The following DNAH5 variants were observed in gnomAD, a reference collection of about 807,000 sequenced individuals.
DNAH5 encodes the protein axonemal beta dynein heavy chain 5.
A neutral mutation model predicts 518.2 loss-of-function variants in DNAH5; 372 were observed. The ratio of observed to expected loss-of-function variants is 0.72; its 90% confidence interval spans 0.66 to 0.78. The LOEUF is 0.78. Among genes scored for constraint, DNAH5 ranks in the 30% least tolerant of loss-of-function variants. The probability of loss-of-function intolerance (pLI) is 0.00; values close to 1 mark genes in which losing one functional copy is unlikely to be tolerated. For synonymous variants in DNAH5, 2,039 were observed against 2,025.9 expected, an observed-to-expected ratio of 1.01 and a Z score of -0.17; for missense variants, 5,523 against 5,687.0, an observed-to-expected ratio of 0.97 and a Z score of 0.93.
At chr5:13,817,720 G>A (rs1482475228) in intron 41 of DNAH5, 26 bp from the exon 42 acceptor site, 4 of 1,612,566 alleles carry the variant, frequency 2.5e-6, no homozygotes, top group Admixed American at 1.7e-5. Context: ...CCAAATTTTA[G>A]ACATCTCAGA....
At chr5:13,959,362 G>A (rs188518075) in intron 1 of DNAH5, among the ~76,000 whole-genome samples, 49 of 152,320 alleles carry the variant, frequency 3.2e-4, no homozygotes, top group East Asian at 3.1e-3. Flanking sequence ...TGATAGAGAG[G>A]GAAGAGGCAG....
At chr5:13,799,995 A>G (rs1038109146) in intron 47 of DNAH5, among the ~76,000 whole-genome samples, 3 of 152,192 alleles carry the variant, frequency 2.0e-5, no homozygotes, top group Admixed American at 2.0e-4. Context: ...ACATTCGTGT[A>G]TATTGAACAA....
At position 13,778,492 on chromosome 5, in the gene DNAH5, A is replaced by AGGG. The variant is rs1561233321; in HGVS notation, c.8952-1138_8952-1137insCCC. Among the ~76,000 whole-genome samples the AGGG allele has an allele frequency of 3.9e-4, 23 of 58,914 alleles. 1 individual carries two copies. The highest frequency in any genetic ancestry group is 0.01 in the Middle Eastern group (1 of 96). The allele number at this position is 58,914 out of a possible 152,430, so 38.6% of individuals were successfully genotyped here. ...GAAGGAAGGAAAGAAGGAAGGAAGGAAGGAAGGGAGGGAGGGAGGGAGGGG... is the reference window on the plus strand; with the variant it reads ...GAAGGAAGGAAAGAAGGAAGGAAGGAGGGAGGAAGGGAGGGAGGGAGGGAGGGG... On this transcript the variant is annotated intron_variant, in intron 53 of 78. Coordinates refer to ENST00000265104, the MANE Select transcript of DNAH5 (RefSeq NM_001369.3).
chr5:13,880,584 T>A (rs939762304), intron 21 of DNAH5, among the ~76,000 whole-genome samples: 15 of 151,964 alleles, frequency 9.9e-5, no homozygotes, highest in African/African-American at 3.6e-4. Flanking sequence ...GTATAGAATT[T>A]GTATATGCAA....
At chr5:13,987,406 C>T (rs1031038584) in intron 1 of DNAH5, among the ~76,000 whole-genome samples, 17 of 151,780 alleles carry the variant, frequency 1.1e-4, no homozygotes, top group Non-Finnish European at 1.6e-4. Flanking sequence ...GTAAAACAAC[C>T]GGTACCCCTC....
chr5:13,713,339 A>G (rs1201627301), intron 75 of DNAH5, among the ~76,000 whole-genome samples: 2 of 145,778 alleles, frequency 1.4e-5, no homozygotes, highest in African/African-American at 5.0e-5. Context: ...CGACATATAT[A>G]TATACCGACA....
intron 23 of DNAH5, among the ~76,000 whole-genome samples, chr5:13,871,249 C>T (rs1277832772): frequency 6.6e-6 from 1 of 152,066 alleles, no homozygotes; most frequent in Non-Finnish European, 1.5e-5. Context: ...TATCAGAACT[C>T]TCTGGGATAA....
At chr5:13,927,100 C>T (rs1217554428) in intron 3 of DNAH5, among the ~76,000 whole-genome samples, 1 of 152,040 alleles carries the variant, frequency 6.6e-6, no homozygotes, top group African/African-American at 2.4e-5. Flanking sequence ...TTAAATAATA[C>T]ATTTAATCAG....
chr5:13,786,482 G>T, intron 51 of DNAH5, 131 bp from the exon 52 acceptor site: 1 of 957,972 alleles, frequency 1.0e-6, no homozygotes, highest in Non-Finnish European at 1.6e-6. Flanking sequence ...GCCATAGTGT[G>T]TATTTTGCAA....
intron 30 of DNAH5, among the ~76,000 whole-genome samples, chr5:13,855,954 C>A (rs1230288018): frequency 2.0e-5 from 3 of 152,106 alleles, no homozygotes; most frequent in African/African-American, 4.8e-5. Flanking sequence ...CCAATGAGAA[C>A]AAAGACACAG....
At chr5:13,962,256 A>AT (rs1258215366) in intron 1 of DNAH5, among the ~76,000 whole-genome samples, 1 of 152,150 alleles carries the variant, frequency 6.6e-6, no homozygotes, top group Non-Finnish European at 1.5e-5. Flanking sequence ...TGTAAATTGA[A>AT]TTTTTTAACC....
At chr5:13,806,335 G>A (rs1028179471) in intron 47 of DNAH5, among the ~76,000 whole-genome samples, 2 of 152,080 alleles carry the variant, frequency 1.3e-5, no homozygotes, top group African/African-American at 2.4e-5. Flanking sequence ...TTATTTGATA[G>A]AAAGATAGCC....
chr5:13,718,982 C>T lies in DNAH5; in HGVS notation c.12399G>A (p.Glu4133=), dbSNP rs1367200750. The T allele has an allele frequency of 1.2e-6, 2 of 1,614,054 alleles. No homozygotes were observed. Among genetic ancestry groups the T allele is most frequent in the East Asian group, 2.2e-5 (1 of 44,866 alleles). ...HDAFRLWMTT[E]AHKQFPITLL... is the part of the protein sequence containing the mutation. ...GTGTAATGGGAAACTGCTTATGAGC[C>T]TCGGTGGTCATCCAGAGGCGGAACG... The change falls in exon 72 of 79, where the codon GAG becomes GAA. Residue 4133 remains glutamate (E), a synonymous_variant. Transcript: ENST00000265104.
intron 1 of DNAH5, among the ~76,000 whole-genome samples, chr5:13,953,223 C>T (rs558644071): frequency 6.6e-6 from 1 of 152,258 alleles, no homozygotes; most frequent in Admixed American, 6.5e-5. Flanking sequence ...AAACCAACAT[C>T]ACAACTTCTT....
chr5:13,750,284 A>T (rs1023858836), intron 65 of DNAH5, among the ~76,000 whole-genome samples: 11 of 152,204 alleles, frequency 7.2e-5, no homozygotes, highest in African/African-American at 2.7e-4. Context: ...CCCAGGAGGA[A>T]ATCAATAGCA....
rs369312501 is a variant in DNAH5, at chr5:13,751,262, T to A, written c.11029-2A>T. 6.2e-7 allele frequency: 1 copy of A among 1,611,302 alleles called. No homozygotes were observed. On this transcript the variant is annotated splice_acceptor_variant, in intron 64 of 78. Transcript: ENST00000265104. LOFTEE classifies it high-confidence loss of function. ...TACTTCCTTGTCACCAACTTTCACCTTTTTTATAAAAAGAAATTTAAAAGT... is the reference window on the plus strand; with the variant it reads ...TACTTCCTTGTCACCAACTTTCACCATTTTTATAAAAAGAAATTTAAAAGT...
chr5:13,742,363 A>G (rs1458685361), intron 65 of DNAH5, among the ~76,000 whole-genome samples: 1 of 129,316 alleles, frequency 7.7e-6, no homozygotes, highest in Non-Finnish European at 1.8e-5. Context: ...TCATTCATGG[A>G]CTACTCTAAC....
chr5:13,736,005 T>A (rs1175331111), intron 66 of DNAH5, 73 bp from the exon 67 acceptor site: 1 of 1,234,422 alleles, frequency 8.1e-7, no homozygotes, highest in Non-Finnish European at 1.2e-6. Context: ...GAGATCAGCC[T>A]AAACTCTAAA....
chr5:13,809,249 C>T, intron 45 of DNAH5, 63 bp from the exon 46 acceptor site: 1 of 1,587,316 alleles, frequency 6.3e-7, no homozygotes, highest in African/African-American at 1.3e-5. Flanking sequence ...CTGTAATGAG[C>T]AGACATCCTT....
Sources: gnomAD v4.1 joint callset for allele counts (sites outside exome capture counted in the v4.1 genomes callset) on GRCh38, gnomAD v4.1.1 for gene constraint, MANE v1.5 for transcripts, NCBI Gene and HGNC (gene_info 2026-07-23, HGNC 2026-07-21) for gene names.